The following PFKFB3 variants were observed in gnomAD, a reference collection of about 807,000 sequenced individuals.
The protein encoded by PFKFB3 is 6-phosphofructo-2-kinase/fructose-2,6-biphosphatase 3.
A neutral mutation model predicts 68.0 loss-of-function variants in PFKFB3; 33 were observed. That is an observed-to-expected ratio of 0.49 (90% confidence interval 0.37 to 0.65). The LOEUF is 0.65. Ranked by LOEUF, PFKFB3 falls within the 30% of genes least tolerant of loss-of-function variation. The pLI is 0.00. For synonymous variants in PFKFB3, 315 were observed against 288.2 expected (o/e 1.09, Z -0.94); for missense variants, 586 against 712.2 (o/e 0.82, Z 2.02).
At chr10:6,222,066 T>C (rs1845002131) in intron 10 of PFKFB3, among the ~76,000 whole-genome samples, 1 of 152,176 alleles carries the variant, frequency 6.6e-6, no homozygotes, top group Non-Finnish European at 1.5e-5. Flanking sequence ...GGGCAGCGTC[T>C]GTGCTTCCCC....
At chr10:6,206,674 C>T (rs1434518985) in intron 1 of PFKFB3, among the ~76,000 whole-genome samples, 3 of 151,890 alleles carry the variant, frequency 2.0e-5, no homozygotes, top group African/African-American at 7.3e-5. Flanking sequence ...ACGCTCCCCA[C>T]ATCTCAGACG....
intron 1 of PFKFB3, chr10:6,163,989 C>T (rs974586212): frequency 3.3e-5 from 5 of 152,354 alleles, no homozygotes; most frequent in Non-Finnish European, 7.3e-5. Context: ...TAAATAATAC[C>T]CGAGAGGAAA....
intron 1 of PFKFB3, among the ~76,000 whole-genome samples, chr10:6,173,359 C>T (rs1326299526): frequency 1.3e-5 from 2 of 152,202 alleles, no homozygotes; most frequent in African/African-American, 2.4e-5. Flanking sequence ...AGGGGGCGCT[C>T]AGGAAGAGGT....
intron 1 of PFKFB3, chr10:6,146,613 C>A: frequency 9.3e-7 from 1 of 1,079,996 alleles, no homozygotes; most frequent in Non-Finnish European, 1.3e-6. Flanking sequence ...CGCTTCTGCC[C>A]ACTTTTGTCG....
Position 6,226,254 on chromosome 10 carries a change from C to T in PFKFB3, c.1404C>T (p.Pro468=), listed in dbSNP as rs764446578. 30 of 1,614,042 alleles carry T rather than the reference C, an allele frequency of 1.9e-5. No homozygotes were observed. The South Asian group carries it at 2.1e-4, about 11-fold the overall frequency. Residue 468 remains proline (P), a synonymous_variant, in exon 14 of 15, where the codon CCC becomes CCT. Transcript: ENST00000379775. ...ATAGTGTCACCCCGCTAGCCAGCCC[C>T]GAACCCACCAAAAAGCCTCGCATCA... ...RRNSVTPLAS[P]EPTKKPRINS...
At chr10:6,180,478 T>A (rs1258756971) in intron 1 of PFKFB3, among the ~76,000 whole-genome samples, 2 of 152,246 alleles carry the variant, frequency 1.3e-5, no homozygotes, top group Non-Finnish European at 2.9e-5. Context: ...TGTTTTGTTT[T>A]GTTTTTTGAC....
intron 14 of PFKFB3, 31 bp from the exon 15 acceptor site, chr10:6,232,864 C>T (rs772364744): frequency 1.9e-6 from 3 of 1,596,254 alleles, no homozygotes; most frequent in Non-Finnish European, 2.6e-6. Context: ...ATCCTAACTC[C>T]CTCCCCACCT....
At chr10:6,306,885 G>C in the PFKFB3 span, among the ~76,000 whole-genome samples, 6 of 152,346 alleles carry the variant, frequency 3.9e-5, no homozygotes, top group African/African-American at 1.4e-4. Context: ...GTAATGTTTA[G>C]TTTTACGTAT....
At position 6,203,030 on chromosome 10, in the gene PFKFB3, CCGTGCCGGG is replaced by C. The variant is rs533578305; in HGVS notation, c.-229_-221del. ...AGAGCTTTCCGAGCGGACGAGCCGG[CCGTGCCGGG>C]CATCCCCAGCCTCGCTACCCTCGCA... is the stretch of plus-strand genomic sequence containing the variant. On this transcript the variant is annotated 5_prime_UTR_variant, in exon 1 of 15. Transcript: ENST00000379775. The C allele has an allele frequency of 4.1e-4, 565 of 1,373,612 alleles. No homozygotes were observed. Among genetic ancestry groups the C allele is most frequent in the Non-Finnish European group, 3.8e-4 (406 of 1,068,272 alleles). 85.1% of individuals were successfully genotyped at this position (1,373,612 alleles called of 1,614,324 possible).
Position 6,207,123 on chromosome 10 carries a change from G to A in PFKFB3, c.76+3787G>A, listed in dbSNP as rs376777313. 4.0e-3 allele frequency among the ~76,000 whole-genome samples: 606 copies of A among 150,898 alleles called. 4 individuals carry two copies. The highest frequency in any genetic ancestry group is 0.024 in the Middle Eastern group (7 of 294). ...GGAAGTTGTAGCGAGCCGAGATCAC[G>A]CCACTGCACCCCAGCCTGGGCACCA... is the stretch of plus-strand genomic sequence containing the variant. On this transcript the variant is annotated intron_variant, in intron 1 of 14. Transcript: ENST00000379775.
chr10:6,159,331 G>A (rs1841902928), intron 1 of PFKFB3, among the ~76,000 whole-genome samples: 1 of 151,898 alleles, frequency 6.6e-6, no homozygotes, highest in Admixed American at 6.6e-5. Flanking sequence ...GGAGGTGGAG[G>A]TTGCAGTGAG....
Position 6,220,516 on chromosome 10 carries a change from T to C in PFKFB3, c.624-142T>C, listed in dbSNP as rs759295730. 93 of 702,058 alleles carry C rather than the reference T, an allele frequency of 1.3e-4. No homozygotes were observed. The highest frequency in any genetic ancestry group is 2.2e-4 in the Non-Finnish European group (90 of 407,134). The allele number at this position is 702,058 out of a possible 1,614,324, so 43.5% of individuals were successfully genotyped here. A position where few individuals can be genotyped will look rare whatever the true frequency, so the allele number is the denominator to read the frequency against. The stretch of plus-strand genomic sequence containing the variant: ...TGTCTTACGCATATGCTCTGCCCCT[T>C]AGAAGGATTCAGTCTGTGCCCTGGA... On this transcript the variant is annotated intron_variant, in intron 7 of 14. Transcript: ENST00000379775. This position sits in a 1 kb window ranked among gnomAD's most constrained non-coding sequence, Gnocchi z 4.1.
In PFKFB3 at chr10:6,208,371, C is replaced by CTTTTTTT. The variant is rs35447462; in HGVS notation, c.76+5051_76+5057dup. ...ACAGGTGTAAGCCAGGGTACCTGGC[C>CTTTTTTT]TTTTTTTTTTTTTTTTTTTTTTGCC... On this transcript the variant is annotated intron_variant, in intron 1 of 14. Coordinates refer to ENST00000379775, the MANE Select transcript of PFKFB3 (RefSeq NM_004566.4). 7.2e-3 allele frequency among the ~76,000 whole-genome samples: 439 copies of CTTTTTTT among 60,632 alleles called. 68 individuals carry two copies. The highest frequency in any genetic ancestry group is 0.068 in the East Asian group (100 of 1,476). 39.8% of individuals were successfully genotyped at this position (60,632 alleles called of 152,430 possible). A position where few individuals can be genotyped will look rare whatever the true frequency, so the allele number is the denominator to read the frequency against.
intron 1 of PFKFB3, among the ~76,000 whole-genome samples, chr10:6,191,585 T>G (rs974040341): frequency 6.6e-6 from 1 of 152,186 alleles, no homozygotes; most frequent in African/African-American, 2.4e-5. Context: ...GGGCCCCCCC[T>G]AGAATCACAG....
intron 1 of PFKFB3, among the ~76,000 whole-genome samples, chr10:6,162,190 C>T (rs1300844874): frequency 6.6e-6 from 1 of 152,220 alleles, no homozygotes; most frequent in South Asian, 2.1e-4. Flanking sequence ...GCTCACGGCT[C>T]ATCCACGTTG....
intron 13 of PFKFB3, chr10:6,225,023 C>T: frequency 7.0e-6 from 3 of 427,770 alleles, no homozygotes; most frequent in South Asian, 3.3e-5. Flanking sequence ...ACCTCGAGGC[C>T]TGGCCGTGCA....
chr10:6,277,815 T>C, the PFKFB3 span: 1 of 379,886 alleles, frequency 2.6e-6, no homozygotes, highest in Non-Finnish European at 5.4e-6. Context: ...CAGGTATTTC[T>C]TTATAGCAGT....
Position 6,213,720 on chromosome 10 carries a change from C to T in PFKFB3, c.174C>T (p.Tyr58=), listed in dbSNP as rs776247912. ...ACATCTCCAAGAAGCTGACTCGCTA[C>T]CTCAACTGGATTGGCGTCCCCACAA... ...KTYISKKLTR[Y]LNWIGVPTKV... The change falls in exon 2 of 15, where the codon TAC becomes TAT. Residue 58 remains tyrosine (Y), a synonymous_variant. Coordinates refer to ENST00000379775, the MANE Select transcript of PFKFB3 (RefSeq NM_004566.4). 3 of 1,613,346 alleles carry T rather than the reference C, an allele frequency of 1.9e-6. No homozygotes were observed. The highest frequency in any genetic ancestry group is 1.7e-6 in the Non-Finnish European group (2 of 1,179,758).
intron 1 of PFKFB3, among the ~76,000 whole-genome samples, chr10:6,179,831 CAA>C: frequency 6.6e-6 from 1 of 152,184 alleles, no homozygotes; most frequent in Admixed American, 6.5e-5. Context: ...CTGCTGGCTC[CAA>C]AGTGGGGAGG....
Sources: allele counts gnomAD v4.1 joint callset (sites outside exome capture counted in the v4.1 genomes callset), GRCh38; gene constraint gnomAD v4.1.1; non-coding constraint Gnocchi (gnomAD v3.1); transcripts MANE v1.5; gene names NCBI Gene and HGNC (gene_info 2026-07-23, HGNC 2026-07-21).